Variants in KIF3B observed in about 807,000 individuals in gnomAD.
KIF3B encodes kinesin family member 3B.
In KIF3B, 38 loss-of-function variants were observed where a neutral mutation model predicts 74.3. That is an observed-to-expected ratio of 0.51 (90% CI 0.39 to 0.67). The LOEUF is 0.67. Ranked by LOEUF, KIF3B falls within the 30% of genes least tolerant of loss-of-function variation. KIF3B has a pLI of 0.00. For missense variants in KIF3B, 649 were observed against 932.0 expected (o/e 0.70, Z 3.95); for synonymous variants, 326 against 342.5 (o/e 0.95, Z 0.53).
intron 2 of KIF3B, among the ~76,000 whole-genome samples, chr20:32,312,064 A>C (rs2047803391): frequency 6.6e-6 from 1 of 150,920 alleles, no homozygotes; most frequent in East Asian, 1.9e-4. Flanking sequence ...CAGCCTCCCC[A>C]AGTGCTGGGA....
At chr20:32,301,632 C>T (rs2047744800) in intron 1 of KIF3B, among the ~76,000 whole-genome samples, 1 of 152,168 alleles carries the variant, frequency 6.6e-6, no homozygotes, top group Non-Finnish European at 1.5e-5. Context: ...CTGCCTCAGC[C>T]TCCCAAAGTG....
intron 1 of KIF3B, among the ~76,000 whole-genome samples, chr20:32,291,573 A>G (rs1455632070): frequency 2.0e-5 from 3 of 151,398 alleles, no homozygotes; most frequent in Non-Finnish European, 4.4e-5. Flanking sequence ...AATTTCTTAC[A>G]TTGTCTCATA....
chr20:32,317,652 T>G (rs2047834966), intron 5 of KIF3B, among the ~76,000 whole-genome samples: 1 of 151,866 alleles, frequency 6.6e-6, no homozygotes, highest in South Asian at 2.1e-4. Flanking sequence ...TTTTTTTTTT[T>G]TTTGAGACAG....
intron 1 of KIF3B, among the ~76,000 whole-genome samples, chr20:32,308,613 G>A (rs2047784143): frequency 6.6e-6 from 1 of 151,870 alleles, no homozygotes; most frequent in South Asian, 2.1e-4. Context: ...GTTTTGCCAT[G>A]TTGGCCAGGC....
chr20:32,280,511 G>A (rs1237396793), intron 1 of KIF3B, among the ~76,000 whole-genome samples: 2 of 151,494 alleles, frequency 1.3e-5, no homozygotes, highest in African/African-American at 4.8e-5. Context: ...TCAGGAGATC[G>A]AGACCATCCT....
At chr20:32,308,154 T>C (rs920111544) in intron 1 of KIF3B, among the ~76,000 whole-genome samples, 1 of 151,960 alleles carries the variant, frequency 6.6e-6, no homozygotes, top group African/African-American at 2.4e-5. Flanking sequence ...GAGAATGGCA[T>C]GAATTCGGGA....
rs1600443915 is a variant in KIF3B, at chr20:32,334,082, A to G, written c.*2763A>G. The G allele has an allele frequency of 1.3e-5, 2 of 152,814 alleles. No homozygotes were observed. Among genetic ancestry groups the G allele is most frequent in the East Asian group, 3.9e-4 (2 of 5,182 alleles). The allele number at this position is 152,814 out of a possible 1,614,324, so 9.5% of individuals were successfully genotyped here. A position where few individuals can be genotyped will look rare whatever the true frequency, so the allele number is the denominator to read the frequency against. ...TGTTCTGAGCCGTCTGAGGGCCTTC[A>G]TGCCGGCAGCAGCTAGCAAAGCCAG... On this transcript the variant is annotated 3_prime_UTR_variant, in exon 9 of 9. Coordinates refer to ENST00000375712, the MANE Select transcript of KIF3B (RefSeq NM_004798.4).
chr20:32,280,770 G>T (rs571554356), intron 1 of KIF3B, among the ~76,000 whole-genome samples: 1 of 149,360 alleles, frequency 6.7e-6, no homozygotes, highest in African/African-American at 2.5e-5. Context: ...ATGGTAGGAC[G>T]TTAGGTTTAG....
intron 1 of KIF3B, 129 bp from the exon 2 acceptor site, chr20:32,309,584 C>G: frequency 1.7e-6 from 1 of 585,084 alleles, no homozygotes; most frequent in Non-Finnish European, 2.9e-6. Flanking sequence ...AGGAAATATA[C>G]AGTGTAGTAA....
chr20:32,326,438 A>G (rs775182943), intron 5 of KIF3B, among the ~76,000 whole-genome samples: 4 of 152,108 alleles, frequency 2.6e-5, no homozygotes, highest in Non-Finnish European at 4.4e-5. Flanking sequence ...GTTCACTCCA[A>G]TATAGCCCAG....
chr20:32,284,140 T>C (rs1008242892), intron 1 of KIF3B, among the ~76,000 whole-genome samples: 1 of 151,668 alleles, frequency 6.6e-6, no homozygotes, highest in South Asian at 2.1e-4. Context: ...GGGGTCTTGC[T>C]ATGTTACAGG....
intron 1 of KIF3B, among the ~76,000 whole-genome samples, chr20:32,280,604 A>C (rs1431666809): frequency 1.3e-5 from 2 of 150,092 alleles, no homozygotes; most frequent in Non-Finnish European, 3.0e-5. Context: ...AGTCCCAGCT[A>C]CTCGGGAGGC....
In KIF3B at chr20:32,300,442, A is replaced by G. The variant is rs149797232; in HGVS notation, c.-65-9271A>G. ...GCAGTCGTCCACCACCACGCCCCCAATTTTTTCTGTATTTTTTTAGTAGAG... is the reference window on the plus strand; with the variant it reads ...GCAGTCGTCCACCACCACGCCCCCAGTTTTTTCTGTATTTTTTTAGTAGAG... On this transcript the variant is annotated intron_variant, in intron 1 of 8. Transcript: ENST00000375712. Among the ~76,000 whole-genome samples the G allele has an allele frequency of 2.3e-3, 353 of 151,416 alleles. 1 individual carries two copies. The highest frequency in any genetic ancestry group is 3.4e-3 in the Non-Finnish European group (233 of 67,814).
rs547500989 is a variant in KIF3B at position 32,289,884 on chromosome 20, T to C, written c.-66+12119T>C. The stretch of plus-strand genomic sequence containing the variant: ...TGGTTTCAGCTTGCTTTGCCACTTA[T>C]TAACTCAGTGTGCCATGTTACTTCC... On this transcript the variant is annotated intron_variant, in intron 1 of 8. Transcript: ENST00000375712. Among the ~76,000 whole-genome samples, 205 of 152,314 alleles carry C rather than the reference T, an allele frequency of 1.3e-3. 2 individuals are homozygous for C. The highest frequency in any genetic ancestry group is 1.4e-3 in the Non-Finnish European group (93 of 68,036).
chr20:32,292,696 G>A (rs2047698716), intron 1 of KIF3B, among the ~76,000 whole-genome samples: 1 of 151,938 alleles, frequency 6.6e-6, no homozygotes, highest in East Asian at 1.9e-4. Flanking sequence ...GTTCGAGGCT[G>A]CAGTAAGCTG....
intron 5 of KIF3B, among the ~76,000 whole-genome samples, chr20:32,318,130 C>T (rs569219897): frequency 4.6e-5 from 7 of 151,976 alleles, no homozygotes; most frequent in Middle Eastern, 3.4e-3. Context: ...GGTGAAACCC[C>T]GTCTCTACTA....
chr20:32,282,829 T>G (rs2047650326), intron 1 of KIF3B, among the ~76,000 whole-genome samples: 1 of 152,186 alleles, frequency 6.6e-6, no homozygotes, highest in Non-Finnish European at 1.5e-5. Context: ...AGCTTTTGAC[T>G]TCAGAATCCC....
intron 2 of KIF3B, among the ~76,000 whole-genome samples, chr20:32,314,873 A>G (rs1053329638): frequency 2.0e-5 from 3 of 152,066 alleles, no homozygotes; most frequent in South Asian, 2.1e-4. Flanking sequence ...TCCAGGCCCA[A>G]TAACCTTCTG....
chr20:32,299,485 G>A (rs562375954), intron 1 of KIF3B, among the ~76,000 whole-genome samples: 342 of 134,238 alleles, frequency 2.5e-3, no homozygotes, highest in Middle Eastern at 4.9e-3. Context: ...ATCTCAGCTC[G>A]CTTGCAACCT....
Sources: gnomAD v4.1 joint callset for allele counts (sites outside exome capture counted in the v4.1 genomes callset) on GRCh38, gnomAD v4.1.1 for gene constraint, MANE v1.5 for transcripts, NCBI Gene and HGNC (gene_info 2026-07-23, HGNC 2026-07-21) for gene names.